OTUD7A: variants seen among roughly 807,000 people sequenced by gnomAD.
OTUD7A encodes OTU domain-containing protein 7A.
A neutral mutation model predicts 65.7 loss-of-function variants in OTUD7A; 12 were observed. That is an observed-to-expected ratio of 0.18 (90% CI 0.12 to 0.30). The LOEUF is 0.30. Ranked by LOEUF, OTUD7A falls within the 10% of genes least tolerant of loss-of-function variation. The probability of loss-of-function intolerance (pLI) is 1.00; values close to 1 mark genes in which losing one functional copy is unlikely to be tolerated. For missense variants in OTUD7A, 1,148 were observed against 1,304.8 expected (o/e 0.88, Z 1.85); for synonymous variants, 641 against 586.3 (o/e 1.09, Z -1.35).
intron 1 of OTUD7A, among the ~76,000 whole-genome samples, chr15:31,856,405 T>C (rs1369480923): frequency 6.6e-6 from 1 of 152,160 alleles, no homozygotes; most frequent in Non-Finnish European, 1.5e-5. Context: ...AGATTTTTTT[T>C]CATGAAAAAT....
chr15:31,647,512 G>A (rs1237606933), intron 3 of OTUD7A, among the ~76,000 whole-genome samples: 4 of 152,194 alleles, frequency 2.6e-5, no homozygotes, highest in Non-Finnish European at 4.4e-5. Context: ...AGACATCCAC[G>A]TGGCTTGCTT....
chr15:31,732,888 A>G (rs1428775868), intron 1 of OTUD7A, among the ~76,000 whole-genome samples: 10 of 152,208 alleles, frequency 6.6e-5, no homozygotes, highest in Non-Finnish European at 1.5e-4. Flanking sequence ...TCCTTTGGAT[A>G]TCAGTCTCCA....
Position 31,487,426 on chromosome 15 carries a change from G to A in OTUD7A, c.1286+26C>T. The A allele has an allele frequency of 6.2e-7, 1 of 1,609,528 alleles. No homozygotes were observed. Among genetic ancestry groups the A allele is most frequent in the Non-Finnish European group, 8.5e-7 (1 of 1,176,898 alleles). ...GCCATAGCCCTCCCTGTGGGCGCTGGGGAAAGGGACAGAGTAGGATCTTAC... is the reference window on the plus strand; with the variant it reads ...GCCATAGCCCTCCCTGTGGGCGCTGAGGAAAGGGACAGAGTAGGATCTTAC... On this transcript the variant is annotated intron_variant, in intron 11 of 12. Transcript: ENST00000307050. This position sits in a 1 kb window ranked among gnomAD's most constrained non-coding sequence, Gnocchi z 6.0.
intron 1 of OTUD7A, among the ~76,000 whole-genome samples, chr15:31,777,554 A>G (rs985735162): frequency 6.6e-6 from 1 of 152,008 alleles, no homozygotes; most frequent in Non-Finnish European, 1.5e-5. Context: ...TCACCCTATG[A>G]AGGCAGCTGG....
rs1566919745 is a variant in OTUD7A at position 31,559,132 on chromosome 15, G to C, written c.387C>G (p.Ala129=). 6.2e-7 allele frequency: 1 copy of C among 1,614,182 alleles called. No homozygotes were observed. Among genetic ancestry groups the C allele is most frequent in the Non-Finnish European group, 8.5e-7 (1 of 1,180,018 alleles). The change falls in exon 5 of 13, where the codon GCC becomes GCG. Residue 129 remains alanine, a synonymous_variant. Coordinates refer to ENST00000307050, the MANE Select transcript of OTUD7A (RefSeq NM_001382637.1). The part of the protein sequence containing the change: ...SHASSAIVSL[A]RSHVASECNN... ...TGCATTCACTTGCCACGTGGGACCG[G>C]GCCAGGGAGACGATGGCTGAGCTGG... is the stretch of plus-strand genomic sequence containing the variant.
chr15:31,866,220 T>C lies in OTUD7A; in HGVS notation c.-100+4287A>G, dbSNP rs1357092788. ...TTTACCAAACAAGGCTTTAGATGCA[T>C]GGGAGACTAACTCTTTCCCTTTGCC... On this transcript the variant is annotated intron_variant, in intron 1 of 12. Coordinates refer to ENST00000307050, the MANE Select transcript of OTUD7A (RefSeq NM_001382637.1). 2.6e-5 allele frequency among the ~76,000 whole-genome samples: 4 copies of C among 152,210 alleles called. 1 individual carries two copies. In the East Asian group the frequency reaches 5.8e-4, roughly 22 times the overall value.
At chr15:31,753,721 T>TATATTA (rs879561188) in intron 1 of OTUD7A, among the ~76,000 whole-genome samples, 28 of 106,748 alleles carry the variant, frequency 2.6e-4, no homozygotes, top group African/African-American at 1.3e-3. Context: ...TATATATATA[T>TATATTA]TATATATATA....
chr15:31,534,638 A>G (rs1271172275), intron 5 of OTUD7A, among the ~76,000 whole-genome samples: 1 of 152,236 alleles, frequency 6.6e-6, no homozygotes, highest in Admixed American at 6.5e-5. Context: ...AGAGAACATG[A>G]TAGTTCACAC....
intron 1 of OTUD7A, among the ~76,000 whole-genome samples, chr15:31,850,725 G>C (rs999119119): frequency 4.6e-5 from 7 of 152,100 alleles, no homozygotes; most frequent in Non-Finnish European, 8.8e-5. Context: ...CACAGCTTCA[G>C]AAGGTTCTCA....
At chr15:31,768,240 G>A in intron 1 of OTUD7A, 1 of 883,470 alleles carries the variant, frequency 1.1e-6, no homozygotes, top group Non-Finnish European at 1.9e-6. Context: ...GGCAGTGTAG[G>A]TGACACTCAA....
At chr15:31,728,961 T>C (rs1286061983) in intron 1 of OTUD7A, among the ~76,000 whole-genome samples, 1 of 152,226 alleles carries the variant, frequency 6.6e-6, no homozygotes, top group Non-Finnish European at 1.5e-5. Flanking sequence ...GCCTTATCTG[T>C]GGTTTTTCTT....
intron 1 of OTUD7A, among the ~76,000 whole-genome samples, chr15:31,866,504 C>A (rs1272952567): frequency 6.6e-6 from 1 of 152,174 alleles, no homozygotes; most frequent in African/African-American, 2.4e-5. Flanking sequence ...GAACACCATT[C>A]CAAAAGTGTG....
chr15:31,581,152 G>A (rs1187187119), intron 3 of OTUD7A, among the ~76,000 whole-genome samples: 1 of 152,216 alleles, frequency 6.6e-6, no homozygotes, highest in Non-Finnish European at 1.5e-5. Flanking sequence ...AAATCTTAAA[G>A]CTCCAAAATG....
chr15:31,667,143 C>T (rs1892343513), intron 1 of OTUD7A, among the ~76,000 whole-genome samples: 1 of 152,142 alleles, frequency 6.6e-6, no homozygotes, highest in Admixed American at 6.5e-5. Flanking sequence ...TCTGTTAAGT[C>T]CATTTGTTCC....
chr15:31,685,552 G>A (rs770018796), intron 1 of OTUD7A, among the ~76,000 whole-genome samples: 40 of 151,948 alleles, frequency 2.6e-4, no homozygotes, highest in Non-Finnish European at 3.5e-4. Flanking sequence ...CCAGCTACTA[G>A]GGAGGCTGAG....
intron 5 of OTUD7A, among the ~76,000 whole-genome samples, chr15:31,552,756 G>A (rs1293916543): frequency 1.3e-5 from 2 of 152,242 alleles, no homozygotes; most frequent in East Asian, 1.9e-4. Context: ...ACAAAGGAAC[G>A]TGGTATTTCC....
chr15:31,588,981 G>C (rs950238981), intron 3 of OTUD7A, among the ~76,000 whole-genome samples: 2 of 152,224 alleles, frequency 1.3e-5, no homozygotes, highest in Admixed American at 1.3e-4. Context: ...CACACTTTCT[G>C]TTGTTCCACT....
chr15:31,522,711 G>C (rs145669056), intron 8 of OTUD7A, among the ~76,000 whole-genome samples: 2 of 152,236 alleles, frequency 1.3e-5, no homozygotes, highest in East Asian at 3.9e-4. Flanking sequence ...AAGCCCTAGG[G>C]AAGGCCTGGT....
At chr15:31,594,882 G>A (rs1489308755) in intron 3 of OTUD7A, among the ~76,000 whole-genome samples, 5 of 152,182 alleles carry the variant, frequency 3.3e-5, no homozygotes, top group African/African-American at 1.2e-4. Flanking sequence ...GTCCACCCAG[G>A]AGCACTTGTC....
Sources: allele counts gnomAD v4.1 joint callset (sites outside exome capture counted in the v4.1 genomes callset), GRCh38; gene constraint gnomAD v4.1.1; non-coding constraint Gnocchi (gnomAD v3.1); transcripts MANE v1.5; gene names NCBI Gene and HGNC (gene_info 2026-07-23, HGNC 2026-07-21).